The following RASGRF2 variants were observed in gnomAD, a reference collection of about 807,000 sequenced individuals.
RASGRF2 encodes the protein ras-specific guanine nucleotide-releasing factor 2.
Under a neutral mutation model 151.0 loss-of-function variants are expected in RASGRF2, and 76 were observed. The ratio of observed to expected loss-of-function variants is 0.50; its 90% CI spans 0.42 to 0.61. The LOEUF is 0.61. Among genes scored for constraint, RASGRF2 ranks in the 20% least tolerant of loss-of-function variants. The pLI, the probability that RASGRF2 is intolerant of heterozygous loss-of-function variation, is 0.00. For missense variants in RASGRF2, 1,148 were observed against 1,564.6 expected, an observed-to-expected ratio of 0.73 and a Z score of 4.49; for synonymous variants, 504 against 566.5, an observed-to-expected ratio of 0.89 and a Z score of 1.57.
chr5:81,003,218 CTTT>C (rs1271321430), intron 1 of RASGRF2, among the ~76,000 whole-genome samples: 2,116 of 97,672 alleles, frequency 0.022, 22 homozygotes, highest in African/African-American at 0.052. Flanking sequence ...CCACACCTGG[CTTT>C]TTTTTTTTTT....
intron 5 of RASGRF2, 24 bp from the exon 6 acceptor site, chr5:81,080,097 A>G (rs756261290): frequency 2.5e-6 from 4 of 1,591,876 alleles, no homozygotes; most frequent in South Asian, 1.2e-5. Context: ...CAACTAAATT[A>G]TATTATTTTT....
chr5:81,194,306 A>G (rs1755213802), intron 18 of RASGRF2, among the ~76,000 whole-genome samples: 1 of 152,082 alleles, frequency 6.6e-6, no homozygotes, highest in South Asian at 2.1e-4. Flanking sequence ...GCAGTGAGCC[A>G]TGATCACACC....
At chr5:81,107,472 G>A (rs1397050500) in intron 12 of RASGRF2, among the ~76,000 whole-genome samples, 1 of 152,184 alleles carries the variant, frequency 6.6e-6, no homozygotes, top group Non-Finnish European at 1.5e-5. Flanking sequence ...CCTAGACCAG[G>A]ATTAATTGAC....
At chr5:81,094,604 A>AT (rs201331991) in intron 11 of RASGRF2, among the ~76,000 whole-genome samples, 2 of 152,026 alleles carry the variant, frequency 1.3e-5, no homozygotes, top group South Asian at 2.1e-4. Flanking sequence ...AATCATGGGA[A>AT]TTTTTTTTAA....
intron 23 of RASGRF2, among the ~76,000 whole-genome samples, chr5:81,212,829 C>T (rs537013351): frequency 4.8e-4 from 73 of 152,164 alleles, no homozygotes; most frequent in African/African-American, 1.7e-3. Flanking sequence ...TGAATTATTT[C>T]GGAGGGTACA....
chr5:81,094,310 G>T lies in RASGRF2; in HGVS notation c.1566G>T (p.Leu522=). ...TTTGTTTCCAGACAGGTGGGGTTCTGTCTCTAATAGACTGCACATTGATTG... is the reference window on the plus strand; with the variant it reads ...TTTGTTTCCAGACAGGTGGGGTTCTTTCTCTAATAGACTGCACATTGATTG... ...KLHLLKTGGV[L]SLIDCTLIEE... Residue 522 remains leucine, a synonymous_variant, in exon 11 of 27, where the codon CTG becomes CTT. Transcript: ENST00000265080. The T allele has an allele frequency of 6.2e-7, 1 of 1,613,434 alleles. No homozygotes were observed. The highest frequency in any genetic ancestry group is 8.5e-7 in the Non-Finnish European group (1 of 1,179,874).
chr5:81,219,841 A>AGTAAAAG (rs1755821108), intron 26 of RASGRF2, 63 bp downstream of exon 26: 7 of 1,371,628 alleles, frequency 5.1e-6, no homozygotes, highest in Non-Finnish European at 7.2e-6. Flanking sequence ...GAATTAGAAA[A>AGTAAAAG]CAACAGTAAA....
chr5:80,995,633 T>C (rs1362391382), intron 1 of RASGRF2, among the ~76,000 whole-genome samples: 12 of 150,964 alleles, frequency 7.9e-5, no homozygotes, highest in Admixed American at 7.3e-4. Flanking sequence ...TCTGCTTTAG[T>C]TCCTCTGGAG....
chr5:81,097,001 G>A (rs552226310), intron 12 of RASGRF2, among the ~76,000 whole-genome samples: 28 of 151,150 alleles, frequency 1.9e-4, no homozygotes, highest in African/African-American at 5.8e-4. Flanking sequence ...TCGCTCTGTC[G>A]CCCAGGCTGG....
At chr5:81,027,918 G>A (rs1681586098) in intron 1 of RASGRF2, among the ~76,000 whole-genome samples, 1 of 152,158 alleles carries the variant, frequency 6.6e-6, no homozygotes, top group African/African-American at 2.4e-5. Context: ...GGAGCAACAT[G>A]CATGTGGCAG....
chr5:81,034,002 A>G (rs911071689), intron 1 of RASGRF2, among the ~76,000 whole-genome samples: 8 of 152,092 alleles, frequency 5.3e-5, no homozygotes, highest in East Asian at 1.9e-4. Flanking sequence ...ATGAACAGAC[A>G]CTTCTCAAAA....
Position 81,092,924 on chromosome 5 carries a change from G to A in RASGRF2, c.1514G>A (p.Cys505Tyr). 6.2e-7 allele frequency: 1 copy of A among 1,612,954 alleles called. No homozygotes were observed. The highest frequency in any genetic ancestry group is 1.7e-5 in the Admixed American group (1 of 59,968). Residue 505 changes from cysteine to tyrosine, a missense_variant, in exon 10 of 27, where the codon TGT becomes TAT. By Grantham distance (194) the Cys-to-Tyr change is radical (BLOSUM62 -2). Coordinates refer to ENST00000265080, the MANE Select transcript of RASGRF2 (RefSeq NM_006909.3). The part of the protein sequence containing the change: ...CFLFTKHFLI[C>Y]TRSSGGKLHL... The stretch of plus-strand genomic sequence containing the variant: ...TTATTTACAAAACACTTTTTAATAT[G>A]TACAAGAAGTTCAGGAGGGAAGCTT...
intron 1 of RASGRF2, among the ~76,000 whole-genome samples, chr5:80,969,843 T>G (rs1237961496): frequency 1.5e-5 from 2 of 132,732 alleles, no homozygotes; most frequent in Non-Finnish European, 1.6e-5. Context: ...TTTTTTTTTT[T>G]GAGACAGAGT....
chr5:81,216,348 T>TACACACACACACACACAC (rs10648156), intron 24 of RASGRF2, among the ~76,000 whole-genome samples: 30 of 147,608 alleles, frequency 2.0e-4, no homozygotes, highest in South Asian at 4.4e-4. Context: ...ATTCCCTTTC[T>TACACACACACACACACAC]ACACACACAC....
intron 2 of RASGRF2, among the ~76,000 whole-genome samples, chr5:81,062,613 G>A (rs1283845150): frequency 6.6e-6 from 1 of 152,062 alleles, no homozygotes; most frequent in Non-Finnish European, 1.5e-5. Flanking sequence ...AACCAACAAG[G>A]AACATTTCCA....
intron 1 of RASGRF2, among the ~76,000 whole-genome samples, chr5:80,994,797 G>C (rs993480817): frequency 7.9e-5 from 12 of 152,136 alleles, no homozygotes; most frequent in Non-Finnish European, 1.6e-4. Context: ...TTTTCCCCAG[G>C]CTTTTCAAAC....
At chr5:81,031,972 C>T (rs909018900) in intron 1 of RASGRF2, among the ~76,000 whole-genome samples, 1 of 152,082 alleles carries the variant, frequency 6.6e-6, no homozygotes, top group African/African-American at 2.4e-5. Flanking sequence ...GGGGATATCA[C>T]CACCGATCCC....
At chr5:80,990,726 A>G (rs1748623034) in intron 1 of RASGRF2, among the ~76,000 whole-genome samples, 1 of 151,990 alleles carries the variant, frequency 6.6e-6, no homozygotes, top group South Asian at 2.1e-4. Context: ...CGTCTTTCAC[A>G]TTCTTGTGGT....
chr5:81,103,353 A>G lies in RASGRF2; in HGVS notation c.1756-5643A>G, dbSNP rs141223534. The stretch of plus-strand genomic sequence containing the variant: ...AGATATAGATATAGCTATAGCATAT[A>G]TTCTACATACCTATAGAATATAGAT... On this transcript the variant is annotated intron_variant, in intron 12 of 26. Coordinates refer to ENST00000265080, the MANE Select transcript of RASGRF2 (RefSeq NM_006909.3). Among the ~76,000 whole-genome samples the G allele has an allele frequency of 4.0e-3, 607 of 152,174 alleles. 6 individuals are homozygous for G. Among genetic ancestry groups the G allele is most frequent in the African/African-American group, 0.014 (587 of 41,518 alleles).
Sources: gnomAD v4.1 joint callset for allele counts (sites outside exome capture counted in the v4.1 genomes callset) on GRCh38, gnomAD v4.1.1 for gene constraint, MANE v1.5 for transcripts, NCBI Gene and HGNC (gene_info 2026-07-23, HGNC 2026-07-21) for gene names.